The following ANXA6 variants were observed in gnomAD, a reference collection of about 807,000 sequenced individuals.
ANXA6 encodes the protein 67 kDa calelectrin.
In ANXA6, 71 loss-of-function variants were observed where a neutral mutation model predicts 95.4. The observed-to-expected ratio is 0.74, with a 90% CI of 0.61 to 0.91. The LOEUF is 0.91. ANXA6 is among the 40% of genes least tolerant of loss of function. The pLI, the probability that ANXA6 is intolerant of heterozygous loss-of-function variation, is 0.00. For missense variants in ANXA6, 830 were observed against 876.4 expected, an observed-to-expected ratio of 0.95 and a Z score of 0.67; for synonymous variants, 289 against 315.9, an observed-to-expected ratio of 0.91 and a Z score of 0.90.
At chr5:151,148,879 G>T (rs1766035389) in intron 1 of ANXA6, among the ~76,000 whole-genome samples, 1 of 152,022 alleles carries the variant, frequency 6.6e-6, no homozygotes, top group Non-Finnish European at 1.5e-5. Flanking sequence ...CCACTGTAAA[G>T]ACTGGATTTT....
intron 12 of ANXA6, 128 bp from the exon 13 acceptor site, chr5:151,128,367 C>T (rs1765389041): frequency 2.6e-6 from 2 of 781,400 alleles, no homozygotes; most frequent in Admixed American, 2.2e-5. Context: ...CAGCCCTGGC[C>T]CTCCTGTGCT....
chr5:151,108,418 A>G, intron 23 of ANXA6, 37 bp downstream of exon 23: 1 of 1,566,874 alleles, frequency 6.4e-7, no homozygotes, highest in Non-Finnish European at 8.8e-7. Context: ...TCAAGTTCCC[A>G]GTGCCCCCAG....
chr5:151,136,896 G>A (rs1308593078), intron 6 of ANXA6, among the ~76,000 whole-genome samples: 2 of 152,168 alleles, frequency 1.3e-5, no homozygotes, highest in Non-Finnish European at 2.9e-5. Context: ...GACCTCACTG[G>A]TAAAAGTTTG....
At chr5:151,139,474 C>T in intron 3 of ANXA6, 27 bp from the exon 4 acceptor site, 1 of 1,566,780 alleles carries the variant, frequency 6.4e-7, no homozygotes, top group African/African-American at 1.3e-5. Context: ...CAATCATCAT[C>T]CTACCCACCC....
chr5:151,109,684 A>G, intron 22 of ANXA6, 69 bp downstream of exon 22: 2 of 1,280,958 alleles, frequency 1.6e-6, no homozygotes, highest in South Asian at 1.3e-5. Context: ...TGCCACAGAG[A>G]GCTGAGAGGC....
chr5:151,105,164 G>C, intron 24 of ANXA6, 81 bp downstream of exon 24: 1 of 1,301,854 alleles, frequency 7.7e-7, no homozygotes, highest in Non-Finnish European at 1.1e-6. Context: ...TCCTGATCTG[G>C]GGGATGGTGC....
intron 20 of ANXA6, among the ~76,000 whole-genome samples, chr5:151,114,809 G>A (rs979671954): frequency 6.6e-6 from 1 of 152,048 alleles, no homozygotes. Context: ...TGTTCAACTG[G>A]TTAATAACAG....
At chr5:151,105,764 A>C (rs1205705453) in intron 23 of ANXA6, among the ~76,000 whole-genome samples, 1 of 152,224 alleles carries the variant, frequency 6.6e-6, no homozygotes, top group Non-Finnish European at 1.5e-5. Flanking sequence ...AAAACTTGGA[A>C]GAAAGGCAGA....
At position 151,139,285 on chromosome 5, in the gene ANXA6, C is replaced by A. The variant is rs774595728; in HGVS notation, c.204+68G>T. On this transcript the variant is annotated intron_variant, in intron 4 of 25. Transcript: ENST00000354546. ...TGCCATATCCAGGAAATAACCTGAACGAGCACACAGGTGAATGAAATCATT... is the reference window on the plus strand; with the variant it reads ...TGCCATATCCAGGAAATAACCTGAAAGAGCACACAGGTGAATGAAATCATT... The A allele has an allele frequency of 2.3e-5, 27 of 1,173,930 alleles. No homozygotes were observed. In the Admixed American group the frequency reaches 5.4e-4, roughly 23 times the overall value. 72.7% of individuals were successfully genotyped at this position (1,173,930 alleles called of 1,614,324 possible).
At chr5:151,146,961 C>G (rs1456261625) in intron 2 of ANXA6, among the ~76,000 whole-genome samples, 4 of 152,126 alleles carry the variant, frequency 2.6e-5, no homozygotes, top group African/African-American at 9.7e-5. Context: ...TTTCTAGAGA[C>G]AGGGTTCTGC....
At chr5:151,109,955 C>T (rs1711911091) in intron 21 of ANXA6, 109 bp from the exon 22 acceptor site, 1 of 808,334 alleles carries the variant, frequency 1.2e-6, no homozygotes, top group Non-Finnish European at 2.0e-6. Context: ...AGAAGCTGGG[C>T]TCACCCAGCC....
chr5:151,122,940 T>C lies in ANXA6; in HGVS notation c.1210A>G (p.Thr404Ala). 2 of 1,613,954 alleles carry C rather than the reference T, an allele frequency of 1.2e-6. No homozygotes were observed. Among genetic ancestry groups the C allele is most frequent in the African/African-American group, 1.3e-5 (1 of 75,046 alleles). ...ACCCGGCCAAAGTGAGACTTGAAGGTCTGCCGGATCTGCTGCCGCTGGACA... is the reference window on the plus strand; with the variant it reads ...ACCCGGCCAAAGTGAGACTTGAAGGCCTGCCGGATCTGCTGCCGCTGGACA... ...SNVQRQQIRQTFKSHFGRDLM... is the reference protein window; with the variant it reads ...SNVQRQQIRQAFKSHFGRDLM... Residue 404 changes from threonine to alanine, a missense_variant, in exon 16 of 26, where the codon ACC becomes GCC. Coordinates refer to ENST00000354546, the MANE Select transcript of ANXA6 (RefSeq NM_001155.5).
intron 1 of ANXA6, chr5:151,155,076 G>A (rs193143152): frequency 3.3e-5 from 5 of 152,216 alleles, no homozygotes; most frequent in Non-Finnish European, 7.4e-5. Context: ...TGGCACACAG[G>A]AAGCACTATA....
At chr5:151,137,007 T>G (rs1246225202) in intron 6 of ANXA6, among the ~76,000 whole-genome samples, 1 of 152,204 alleles carries the variant, frequency 6.6e-6, no homozygotes, top group Non-Finnish European at 1.5e-5. Flanking sequence ...ATTATCTCAT[T>G]ATCTCATTGG....
Position 151,126,439 on chromosome 5 carries a change from T to C in ANXA6, c.1019A>G (p.Tyr340Cys), listed in dbSNP as rs2113922651. Residue 340 changes from tyrosine to cysteine, a missense_variant, in exon 14 of 26, where the codon TAT becomes TGT. By Grantham distance (194) the Tyr-to-Cys change is radical. Coordinates refer to ENST00000354546, the MANE Select transcript of ANXA6 (RefSeq NM_001155.5). ...CACTGCACTAAGTTCCCACATCTGATAGGCCACCTGCGCTGCCTCCGGGAA... is the reference window on the plus strand; with the variant it reads ...CACTGCACTAAGTTCCCACATCTGACAGGCCACCTGCGCTGCCTCCGGGAA... ...QFFPEAAQVA[Y>C]QMWELSAVAR... The C allele has an allele frequency of 1.9e-6, 3 of 1,611,238 alleles. No individual in the cohort carries two copies. Among genetic ancestry groups the C allele is most frequent in the African/African-American group, 1.3e-5 (1 of 74,942 alleles).
In ANXA6 at chr5:151,117,821, C is replaced by T. The variant is rs1765046431; in HGVS notation, c.1455G>A (p.Leu485=). The stretch of plus-strand genomic sequence containing the variant: ...ATGTGTCTGAGCTCAGAGCATCCTC[C>T]AGGGACTTGTGATAGTCTGAGGCAG... ...EAYKEDYHKS[L]EDALSSDTSG... Residue 485 remains leucine (L), a synonymous_variant, in exon 19 of 26, where the codon CTG becomes CTA. Coordinates refer to ENST00000354546, the MANE Select transcript of ANXA6 (RefSeq NM_001155.5). 6.2e-7 allele frequency: 1 copy of T among 1,613,690 alleles called. No homozygotes were observed. Among genetic ancestry groups the T allele is most frequent in the Non-Finnish European group, 8.5e-7 (1 of 1,179,674 alleles).
At chr5:151,134,297 C>G (rs1355648504) in intron 8 of ANXA6, 130 bp downstream of exon 8, 1 of 843,684 alleles carries the variant, frequency 1.2e-6, no homozygotes. Context: ...GTATACATGA[C>G]AGCTGTGGCT....
chr5:151,133,488 C>G (rs1353298791), intron 8 of ANXA6, among the ~76,000 whole-genome samples: 1 of 152,212 alleles, frequency 6.6e-6, no homozygotes. Flanking sequence ...GCACACCTAC[C>G]TGTTCAGCGT....
chr5:151,147,766 T>A (rs1766007465), intron 2 of ANXA6, 118 bp downstream of exon 2: 1 of 1,147,992 alleles, frequency 8.7e-7, no homozygotes, highest in East Asian at 2.6e-5. Flanking sequence ...CTAAGAACCT[T>A]TCCTCCTTTT....
Sources: gnomAD v4.1 joint callset for allele counts (sites outside exome capture counted in the v4.1 genomes callset) on GRCh38, gnomAD v4.1.1 for gene constraint, MANE v1.5 for transcripts, NCBI Gene and HGNC (gene_info 2026-07-23, HGNC 2026-07-21) for gene names.